CDH4: variants seen among roughly 807,000 people sequenced by gnomAD.
The protein encoded by CDH4 is cadherin-4.
In CDH4, 33 loss-of-function variants were observed where a neutral mutation model predicts 86.0. That is an observed-to-expected ratio of 0.38 (90% CI 0.29 to 0.51). The LOEUF is 0.51. CDH4 is among the 20% of genes least tolerant of loss of function. The probability of loss-of-function intolerance (pLI) is 0.86; values close to 1 mark genes in which losing one functional copy is unlikely to be tolerated. For synonymous variants in CDH4, 555 were observed against 549.4 expected (o/e 1.01, Z -0.14); for missense variants, 1,114 against 1,307.4 (o/e 0.85, Z 2.28).
intron 2 of CDH4, among the ~76,000 whole-genome samples, chr20:61,452,749 G>A (rs896469703): frequency 2.6e-5 from 4 of 152,120 alleles, no homozygotes; most frequent in African/African-American, 7.2e-5. Context: ...ATGTGTAAAG[G>A]CCTTGCAGGC....
chr20:61,837,440 C>T (rs376735178), intron 4 of CDH4, among the ~76,000 whole-genome samples: 3 of 152,172 alleles, frequency 2.0e-5, no homozygotes, highest in Admixed American at 1.3e-4. Flanking sequence ...ATCACTTACT[C>T]GTGAACCTTC....
intron 2 of CDH4, among the ~76,000 whole-genome samples, chr20:61,692,829 TTTTTGTTTTTTG>T (rs1490231213): frequency 1.4e-5 from 2 of 145,684 alleles, no homozygotes; most frequent in African/African-American, 5.4e-5. Flanking sequence ...GCTTTTTTGT[TTTTTGTTTTTTG>T]TTTTTTTTTT....
intron 4 of CDH4, among the ~76,000 whole-genome samples, chr20:61,806,700 C>T (rs943642690): frequency 2.6e-5 from 4 of 152,140 alleles, no homozygotes; most frequent in Admixed American, 6.5e-5. Flanking sequence ...TTTAATTCTG[C>T]GGGGGAAGTG....
At chr20:61,651,091 T>C (rs2087115966) in intron 2 of CDH4, among the ~76,000 whole-genome samples, 1 of 151,454 alleles carries the variant, frequency 6.6e-6, no homozygotes, top group Non-Finnish European at 1.5e-5. Context: ...CGTGCACTGG[T>C]GTGCTCGTGT....
In CDH4 at chr20:61,743,696, G is replaced by A. The variant is rs569045230; in HGVS notation, c.303G>A (p.Thr101=). 2.9e-5 allele frequency: 47 copies of A among 1,609,750 alleles called. No individual in the cohort carries two copies. Among genetic ancestry groups the A allele is most frequent in the Non-Finnish European group, 3.4e-5 (40 of 1,178,346 alleles). The change falls in exon 3 of 16, where the codon ACG becomes ACA. Residue 101 remains threonine, a synonymous_variant. Coordinates refer to ENST00000614565, the MANE Select transcript of CDH4 (RefSeq NM_001794.5). ...LQVPSEQVAF[T]VTAWDSQTAE... ...TCCCCTCCGAGCAGGTGGCGTTCAC[G>A]GTGACTGCATGGGACAGCCAGACAG...
intron 2 of CDH4, among the ~76,000 whole-genome samples, chr20:61,550,578 A>T (rs949752244): frequency 6.7e-6 from 1 of 149,004 alleles, no homozygotes; most frequent in Admixed American, 6.7e-5. Flanking sequence ...CCTTGTGTTC[A>T]TCCTTCTCAC....
At chr20:61,608,541 G>A (rs891202702) in intron 2 of CDH4, among the ~76,000 whole-genome samples, 7 of 152,230 alleles carry the variant, frequency 4.6e-5, no homozygotes, top group African/African-American at 1.7e-4. Flanking sequence ...GGGCGTTAAG[G>A]ACTGCACTTG....
chr20:61,756,472 C>T (rs1033343015), intron 3 of CDH4, among the ~76,000 whole-genome samples: 2 of 152,028 alleles, frequency 1.3e-5, no homozygotes, highest in African/African-American at 2.4e-5. Flanking sequence ...GCCTGTCCCC[C>T]ACTACTCACA....
In CDH4 at chr20:61,924,389, C is replaced by T. The variant is rs762860513; in HGVS notation, c.1684C>T (p.Gln562Ter). 1.2e-6 allele frequency: 2 copies of T among 1,613,988 alleles called. No individual in the cohort carries two copies. ...SWLHINATNG[Q>*]ITTAAVLDRE... ...GCTGCACATCAATGCCACCAACGGC[C>T]AGATCACCACGGCGGCAGTGCTGGA... is the stretch of plus-strand genomic sequence containing the variant. Residue 562 changes from glutamine to a stop codon, truncating the protein, a stop_gained, in exon 11 of 16, where the codon CAG becomes TAG. Coordinates refer to ENST00000614565, the MANE Select transcript of CDH4 (RefSeq NM_001794.5). LOFTEE classifies it high-confidence loss of function.
At chr20:61,359,494 A>G (rs984111598) in intron 2 of CDH4, among the ~76,000 whole-genome samples, 3 of 151,916 alleles carry the variant, frequency 2.0e-5, no homozygotes, top group Admixed American at 6.6e-5. Flanking sequence ...CCTTCCCACC[A>G]CCTCCACGCG....
chr20:61,446,749 A>C (rs2145541084), intron 2 of CDH4, among the ~76,000 whole-genome samples: 1 of 152,188 alleles, frequency 6.6e-6, no homozygotes, highest in African/African-American at 2.4e-5. Flanking sequence ...TCCATTCATG[A>C]GTTTGTGTGT....
chr20:61,857,299 C>T (rs1239367428), intron 6 of CDH4, among the ~76,000 whole-genome samples: 2 of 152,256 alleles, frequency 1.3e-5, no homozygotes, highest in African/African-American at 2.4e-5. Flanking sequence ...GCCTTCGGCC[C>T]GGGCTGCGTA....
intron 4 of CDH4, among the ~76,000 whole-genome samples, chr20:61,840,751 T>C (rs1475175849): frequency 3.3e-5 from 5 of 152,206 alleles, no homozygotes; most frequent in Admixed American, 6.5e-5. Flanking sequence ...CCTGATCTGG[T>C]GGATTCACTC....
At chr20:61,698,417 C>A (rs1253035402) in intron 2 of CDH4, among the ~76,000 whole-genome samples, 2 of 152,264 alleles carry the variant, frequency 1.3e-5, no homozygotes, top group South Asian at 2.1e-4. Flanking sequence ...AGCCGCAGCC[C>A]TGCCGTCCGG....
chr20:61,381,129 C>T (rs1477490634), intron 2 of CDH4, among the ~76,000 whole-genome samples: 1 of 152,154 alleles, frequency 6.6e-6, no homozygotes. Context: ...GCTCCCCTAG[C>T]CTGTATGGAG....
At chr20:61,402,688 G>T (rs532655405) in intron 2 of CDH4, among the ~76,000 whole-genome samples, 34 of 152,200 alleles carry the variant, frequency 2.2e-4, no homozygotes, top group Non-Finnish European at 4.6e-4. Flanking sequence ...ACTGTGCCTG[G>T]CCCAGATGCA....
intron 2 of CDH4, among the ~76,000 whole-genome samples, chr20:61,679,492 C>T (rs1224297186): frequency 6.6e-6 from 1 of 152,178 alleles, no homozygotes; most frequent in Non-Finnish European, 1.5e-5. Flanking sequence ...ACAGAAGGCT[C>T]CTCTAGATTC....
chr20:61,839,351 G>C (rs1481739123), intron 4 of CDH4, among the ~76,000 whole-genome samples: 1 of 151,870 alleles, frequency 6.6e-6, no homozygotes, highest in Non-Finnish European at 1.5e-5. Context: ...TTTTGTGTTT[G>C]TGTATGTTTG....
intron 12 of CDH4, among the ~76,000 whole-genome samples, chr20:61,929,157 GTC>G (rs1359696684): frequency 2.0e-5 from 2 of 102,114 alleles, no homozygotes; most frequent in Non-Finnish European, 4.4e-5. Context: ...TGTCTCCAAT[GTC>G]TTTTTTTTTT....
Sources: gnomAD v4.1 joint callset for allele counts (sites outside exome capture counted in the v4.1 genomes callset) on GRCh38, gnomAD v4.1.1 for gene constraint, MANE v1.5 for transcripts, NCBI Gene and HGNC (gene_info 2026-07-23, HGNC 2026-07-21) for gene names.